CABIN1: variants seen among roughly 807,000 people sequenced by gnomAD.
The protein encoded by CABIN1 is calcineurin-binding protein cabin-1.
CABIN1 carries 133 observed loss-of-function variants against 227.7 expected under a neutral mutation model. The observed-to-expected ratio is 0.58, with a 90% confidence interval of 0.51 to 0.67. The LOEUF (loss-of-function observed/expected upper bound fraction) is 0.67, where lower values mean the gene tolerates loss of function less well. CABIN1 is among the 30% of genes least tolerant of loss of function. The pLI is 0.00. For synonymous variants in CABIN1, 1,086 were observed against 1,155.1 expected, an observed-to-expected ratio of 0.94 and a Z score of 1.21; for missense variants, 2,408 against 2,852.5, an observed-to-expected ratio of 0.84 and a Z score of 3.55.
chr22:24,065,046 G>T (rs866125029), intron 15 of CABIN1, among the ~76,000 whole-genome samples: 3 of 152,100 alleles, frequency 2.0e-5, no homozygotes, highest in Non-Finnish European at 2.9e-5. Context: ...CCTCCCAGAG[G>T]GGGTGGTGGC....
intron 24 of CABIN1, among the ~76,000 whole-genome samples, chr22:24,093,432 A>G (rs112821869): frequency 0.011 from 1,611 of 152,188 alleles, 25 homozygotes; most frequent in African/African-American, 0.036. Flanking sequence ...AGTCCCAACT[A>G]CTTGGGAGGC....
At chr22:24,164,602 G>A (rs1200041437) in intron 30 of CABIN1, 39 bp downstream of exon 30, 1 of 1,595,048 alleles carries the variant, frequency 6.3e-7, no homozygotes, top group African/African-American at 1.3e-5. Context: ...GGCATGCTGT[G>A]TGGGTCAGGG....
At chr22:24,108,718 G>A (rs1481504695) in intron 26 of CABIN1, among the ~76,000 whole-genome samples, 1 of 152,212 alleles carries the variant, frequency 6.6e-6, no homozygotes, top group Non-Finnish European at 1.5e-5. Flanking sequence ...AAAGAGGCCA[G>A]AGCAGCAGGG....
intron 28 of CABIN1, among the ~76,000 whole-genome samples, chr22:24,121,432 C>T (rs940485066): frequency 6.6e-6 from 1 of 152,190 alleles, no homozygotes; most frequent in East Asian, 1.9e-4. Flanking sequence ...GTCTGTAGTT[C>T]AAGGTGCAGT....
At chr22:24,064,770 C>T (rs193279148) in intron 15 of CABIN1, among the ~76,000 whole-genome samples, 1,853 of 152,168 alleles carry the variant, frequency 0.012, 34 homozygotes, top group African/African-American at 0.043. Context: ...CATCTTTCAC[C>T]GCCCTTAATC....
intron 26 of CABIN1, among the ~76,000 whole-genome samples, chr22:24,107,987 A>G (rs914703457): frequency 6.6e-6 from 1 of 152,232 alleles, no homozygotes; most frequent in African/African-American, 2.4e-5. Flanking sequence ...GCTGTCTTTC[A>G]GAGACTCTGA....
rs1046047932 is a variant in CABIN1 at position 24,124,055 on chromosome 22, C to T, written c.4632+4357C>T. 5.3e-5 allele frequency among the ~76,000 whole-genome samples: 8 copies of T among 152,232 alleles called. 1 individual carries two copies. Among genetic ancestry groups the T allele is most frequent in the African/African-American group, 1.9e-4 (8 of 41,464 alleles). Reference sequence around the variant, plus strand: ...GCACAGTGTGCCACTTGCTTAGTTGCTGACAGCAGGGCTTTTGGGGGAGGA... The same window carrying T: ...GCACAGTGTGCCACTTGCTTAGTTGTTGACAGCAGGGCTTTTGGGGGAGGA... On this transcript the variant is annotated intron_variant, in intron 28 of 36. Coordinates refer to ENST00000263119, the MANE Select transcript of CABIN1 (RefSeq NM_012295.4).
intron 1 of CABIN1, among the ~76,000 whole-genome samples, chr22:24,024,316 A>G (rs1003856730): frequency 3.9e-5 from 6 of 152,154 alleles, no homozygotes; most frequent in Admixed American, 1.3e-4. Context: ...AGTCTAATTT[A>G]TCTATTTTTC....
At chr22:24,052,361 A>G (rs937751695) in intron 8 of CABIN1, among the ~76,000 whole-genome samples, 1 of 152,170 alleles carries the variant, frequency 6.6e-6, no homozygotes, top group Non-Finnish European at 1.5e-5. Context: ...AGTAATCTCC[A>G]TCTATTCCGG....
Position 24,031,167 on chromosome 22 carries a change from G to C in CABIN1, c.-74-4277G>C, listed in dbSNP as rs79710975. Among the ~76,000 whole-genome samples, 1,178 of 152,256 alleles carry C rather than the reference G, an allele frequency of 7.7e-3. 15 individuals carry two copies. The highest frequency in any genetic ancestry group is 0.027 in the African/African-American group (1,124 of 41,546). ...CCTAGGAGGATCCAGTTGGCATCTA[G>C]GAAGACTTGCCATGACTTAGAGCTA... is the stretch of plus-strand genomic sequence containing the variant. On this transcript the variant is annotated intron_variant, in intron 1 of 36. Coordinates refer to ENST00000263119, the MANE Select transcript of CABIN1 (RefSeq NM_012295.4).
chr22:24,144,878 C>G (rs1300088883), intron 29 of CABIN1, among the ~76,000 whole-genome samples: 2 of 152,262 alleles, frequency 1.3e-5, no homozygotes, highest in African/African-American at 4.8e-5. Context: ...TGGATCCTGC[C>G]TGAGCCCCTA....
In CABIN1 at chr22:24,097,999, C is replaced by T. The variant is rs776841454; in HGVS notation, c.3939-15C>T. The T allele has an allele frequency of 2.0e-5, 32 of 1,614,028 alleles. No homozygotes were observed. Among genetic ancestry groups the T allele is most frequent in the Non-Finnish European group, 2.6e-5 (31 of 1,180,022 alleles). On this transcript the variant is annotated splice_polypyrimidine_tract_variant and intron_variant, in intron 25 of 36. Transcript: ENST00000263119. ...TGGAGACTCTGACCTGTGCCCCAAACCTCTGTTCCCACAGGGAGAAGGCCT... is the reference window on the plus strand; with the variant it reads ...TGGAGACTCTGACCTGTGCCCCAAATCTCTGTTCCCACAGGGAGAAGGCCT...
rs79558717 is a variant in CABIN1, at chr22:24,104,467, T to G, written c.4117+6275T>G. Among the ~76,000 whole-genome samples the G allele has an allele frequency of 8.8e-3, 1,340 of 152,300 alleles. 19 individuals are homozygous for G. The highest frequency in any genetic ancestry group is 0.031 in the African/African-American group (1,273 of 41,560). On this transcript the variant is annotated intron_variant, in intron 26 of 36. Transcript: ENST00000263119. ...ACCATGGTGTCTACACATATCAGGC[T>G]TCTGATATGTCTGCCAGGCTTCGAG...
chr22:24,036,233 G>A, intron 3 of CABIN1, 52 bp downstream of exon 3: 1 of 1,287,990 alleles, frequency 7.8e-7, no homozygotes, highest in South Asian at 1.2e-5. Flanking sequence ...TTCTATAGAG[G>A]GAACCTCATT....
At chr22:24,175,127 A>G (rs539199850) in intron 34 of CABIN1, among the ~76,000 whole-genome samples, 1 of 152,288 alleles carries the variant, frequency 6.6e-6, no homozygotes, top group South Asian at 2.1e-4. Flanking sequence ...TCCCAAAACC[A>G]AATTAAATGG....
chr22:24,092,505 C>T (rs934504497), intron 24 of CABIN1, among the ~76,000 whole-genome samples: 8 of 152,084 alleles, frequency 5.3e-5, no homozygotes, highest in Non-Finnish European at 1.2e-4. Flanking sequence ...TCCAGATGTC[C>T]ACCATTTGGT....
chr22:24,083,508 G>A (rs558029037), intron 20 of CABIN1, 119 bp downstream of exon 20: 1 of 1,135,056 alleles, frequency 8.8e-7, no homozygotes, highest in South Asian at 1.3e-5. Context: ...ATCAGAAGGA[G>A]GAGAGAAGAC....
Position 24,164,501 on chromosome 22 carries a change from G to T in CABIN1, c.4848G>T (p.Leu1616=). The change falls in exon 30 of 37, where the codon CTG becomes CTT. Residue 1616 remains leucine (L), a synonymous_variant. Transcript: ENST00000263119. ...IVLLLKVLAQ[L]RDHSTLLKVS... ...TGCTGCTCAAGGTGCTGGCCCAGCTGCGGGACCACAGCACCCTGCTGAAGG... is the reference window on the plus strand; with the variant it reads ...TGCTGCTCAAGGTGCTGGCCCAGCTTCGGGACCACAGCACCCTGCTGAAGG... The T allele has an allele frequency of 6.2e-7, 1 of 1,606,328 alleles. No individual in the cohort carries two copies.
At chr22:24,028,198 A>G (rs1465129865) in intron 1 of CABIN1, among the ~76,000 whole-genome samples, 1 of 152,232 alleles carries the variant, frequency 6.6e-6, no homozygotes, top group African/African-American at 2.4e-5. Flanking sequence ...AACCCAAAGT[A>G]AGCACATGCT....
Sources: allele counts gnomAD v4.1 joint callset (sites outside exome capture counted in the v4.1 genomes callset), GRCh38; gene constraint gnomAD v4.1.1; transcripts MANE v1.5; gene names NCBI Gene and HGNC (gene_info 2026-07-23, HGNC 2026-07-21).